TRPM7: variants seen among roughly 807,000 people sequenced by gnomAD.
The protein encoded by TRPM7 is LTRPC ion channel family member 7.
Under a neutral mutation model 229.7 loss-of-function variants are expected in TRPM7, and 134 were observed. The observed-to-expected ratio is 0.58, with a 90% confidence interval of 0.51 to 0.67. The LOEUF (loss-of-function observed/expected upper bound fraction) is 0.67. Ranked by LOEUF, TRPM7 falls within the 30% of genes least tolerant of loss-of-function variation. The pLI, the probability that TRPM7 is intolerant of heterozygous loss-of-function variation, is 0.00. For synonymous variants in TRPM7, 699 were observed against 715.2 expected, an observed-to-expected ratio of 0.98 and a Z score of 0.36; for missense variants, 1,901 against 2,210.0, an observed-to-expected ratio of 0.86 and a Z score of 2.80.
chr15:50,679,562 G>GTTTTTT (rs2062199180), intron 1 of TRPM7, among the ~76,000 whole-genome samples: 1 of 102,458 alleles, frequency 9.8e-6, no homozygotes, highest in African/African-American at 5.0e-5. Flanking sequence ...TTGAGACAGA[G>GTTTTTT]TCTTGTTTTG....
intron 20 of TRPM7, among the ~76,000 whole-genome samples, chr15:50,606,207 C>A (rs1456335289): frequency 1.3e-5 from 2 of 152,094 alleles, no homozygotes; most frequent in Non-Finnish European, 2.9e-5. Flanking sequence ...GGCGAAACCA[C>A]ATCTCTACTA....
intron 13 of TRPM7, among the ~76,000 whole-genome samples, chr15:50,618,381 T>C (rs935483245): frequency 2.8e-4 from 43 of 151,912 alleles, no homozygotes; most frequent in Admixed American, 2.1e-3. Context: ...CCATCCTGGC[T>C]AACATGGTGA....
At chr15:50,567,202 G>C (rs1596051263) in intron 38 of TRPM7, among the ~76,000 whole-genome samples, 1 of 151,396 alleles carries the variant, frequency 6.6e-6, no homozygotes, top group East Asian at 1.9e-4. Context: ...TATACTTTAA[G>C]TTTTAGGGTA....
At chr15:50,638,674 TTGTATGTA>T (rs11283855) in intron 6 of TRPM7, among the ~76,000 whole-genome samples, 2,196 of 150,606 alleles carry the variant, frequency 0.015, 47 homozygotes, top group African/African-American at 0.05. Flanking sequence ...AATTCAGTAA[TTGTATGTA>T]TGTATGTATG....
intron 36 of TRPM7, among the ~76,000 whole-genome samples, chr15:50,571,770 G>A (rs894369907): frequency 6.6e-6 from 1 of 152,116 alleles, no homozygotes; most frequent in Non-Finnish European, 1.5e-5. Context: ...ATATTCCTAT[G>A]TAAAAATTGT....
chr15:50,677,515 C>T (rs188050134), intron 1 of TRPM7, among the ~76,000 whole-genome samples: 1 of 151,794 alleles, frequency 6.6e-6, no homozygotes. Flanking sequence ...CCAAGGCAGG[C>T]GGATCGCAAG....
intron 29 of TRPM7, among the ~76,000 whole-genome samples, chr15:50,581,477 C>T (rs896866263): frequency 6.7e-5 from 10 of 149,728 alleles, no homozygotes; most frequent in East Asian, 2.0e-4. Flanking sequence ...CCAGCCTAGG[C>T]GACAGAGCGA....
chr15:50,622,368 A>C (rs2060434536), intron 12 of TRPM7, among the ~76,000 whole-genome samples: 1 of 152,212 alleles, frequency 6.6e-6, no homozygotes, highest in African/African-American at 2.4e-5. Flanking sequence ...TTGATGCTGA[A>C]AGTAACTACA....
intron 12 of TRPM7, among the ~76,000 whole-genome samples, chr15:50,620,387 A>C (rs1309498668): frequency 2.6e-5 from 4 of 151,754 alleles, no homozygotes; most frequent in Admixed American, 1.3e-4. Context: ...TTTTTCTTCC[A>C]ATGTGGCCCA....
intron 9 of TRPM7, among the ~76,000 whole-genome samples, chr15:50,631,695 T>C (rs557399028): frequency 3.3e-5 from 5 of 152,100 alleles, no homozygotes; most frequent in African/African-American, 1.2e-4. Context: ...AACCAAAAAA[T>C]TTTAAAAACT....
chr15:50,614,646 C>G (rs1471216626), intron 13 of TRPM7, among the ~76,000 whole-genome samples: 4 of 119,458 alleles, frequency 3.3e-5, no homozygotes, highest in Non-Finnish European at 6.4e-5. Flanking sequence ...GCCTGGGAGA[C>G]AGAGCAAGAC....
chr15:50,625,235 G>A (rs2060522866), intron 11 of TRPM7, among the ~76,000 whole-genome samples: 1 of 152,004 alleles, frequency 6.6e-6, no homozygotes, highest in African/African-American at 2.4e-5. Flanking sequence ...AAACATCTCT[G>A]TGGCAAAAAT....
chr15:50,596,217 A>T, intron 23 of TRPM7, 38 bp downstream of exon 23: 1 of 1,350,568 alleles, frequency 7.4e-7, no homozygotes, highest in Non-Finnish European at 9.9e-7. Flanking sequence ...ATTGCATATT[A>T]AATCATCTTA....
intron 1 of TRPM7, among the ~76,000 whole-genome samples, chr15:50,683,982 C>G (rs2062300565): frequency 6.6e-6 from 1 of 151,822 alleles, no homozygotes; most frequent in Admixed American, 6.6e-5. Flanking sequence ...GCCTCAGCCT[C>G]ACGAGTAGCT....
At position 50,624,148 on chromosome 15, in the gene TRPM7, A is replaced by G; in HGVS notation, c.1440+18T>C. 1 of 1,588,906 alleles carries G rather than the reference A, an allele frequency of 6.3e-7. No individual in the cohort carries two copies. The highest frequency in any genetic ancestry group is 8.5e-7 in the Non-Finnish European group (1 of 1,171,408). On this transcript the variant is annotated intron_variant, in intron 12 of 38. Coordinates refer to ENST00000646667, the MANE Select transcript of TRPM7 (RefSeq NM_017672.6). ...AAAGATAAAATGTAGTCAATAAAGAATTTTAATGTAGACTTACAGTGTTGT... is the reference window on the plus strand; with the variant it reads ...AAAGATAAAATGTAGTCAATAAAGAGTTTTAATGTAGACTTACAGTGTTGT...
rs140940994 is a variant in TRPM7 at position 50,659,859 on chromosome 15, G to A, written c.84-2040C>T. ...GTTTTTATATTTTTAGTAGAGACGC[G>A]GTTTCACCATGTTGGCCAGGCTGGT... On this transcript the variant is annotated intron_variant, in intron 2 of 38. Transcript: ENST00000646667. Among the ~76,000 whole-genome samples the A allele has an allele frequency of 2.1e-3, 318 of 152,146 alleles. 3 individuals carry two copies. The highest frequency in any genetic ancestry group is 0.012 in the Admixed American group (181 of 15,266).
chr15:50,614,506 T>C (rs2060158661), intron 13 of TRPM7, among the ~76,000 whole-genome samples: 2 of 151,368 alleles, frequency 1.3e-5, no homozygotes, highest in African/African-American at 4.9e-5. Flanking sequence ...CTACTAAAAA[T>C]ACAAAAAAAT....
chr15:50,563,505 A>G (rs2053424778), intron 38 of TRPM7, among the ~76,000 whole-genome samples: 1 of 152,234 alleles, frequency 6.6e-6, no homozygotes, highest in Non-Finnish European at 1.5e-5. Context: ...AGAGAAGAGC[A>G]GATGAATTCT....
intron 3 of TRPM7, among the ~76,000 whole-genome samples, chr15:50,655,107 T>C (rs2061524669): frequency 1.4e-5 from 2 of 139,430 alleles, no homozygotes; most frequent in South Asian, 2.3e-4. Flanking sequence ...AATTATTCAA[T>C]ACATCAGATA....
Sources: allele counts gnomAD v4.1 joint callset (sites outside exome capture counted in the v4.1 genomes callset), GRCh38; gene constraint gnomAD v4.1.1; transcripts MANE v1.5; gene names NCBI Gene and HGNC (gene_info 2026-07-23, HGNC 2026-07-21).